The following NIPAL4 variants were observed in gnomAD, a reference collection of about 807,000 sequenced individuals.
NIPAL4 encodes the protein magnesium transporter NIPA4.
NIPAL4 carries 21 observed loss-of-function variants against 31.6 expected under a neutral mutation model. The ratio of observed to expected loss-of-function variants is 0.67; its 90% CI spans 0.47 to 0.96. The LOEUF (loss-of-function observed/expected upper bound fraction) is 0.96, where lower values mean the gene tolerates loss of function less well. Ranked by LOEUF, NIPAL4 falls within the 40% of genes least tolerant of loss-of-function variation. The pLI is 0.00. For missense variants in NIPAL4, 438 were observed against 508.0 expected (o/e 0.86, Z 1.32); for synonymous variants, 175 against 211.1 (o/e 0.83, Z 1.48).
intron 4 of NIPAL4, among the ~76,000 whole-genome samples, chr5:157,471,042 C>T (rs762903084): frequency 2.6e-5 from 4 of 151,798 alleles, no homozygotes; most frequent in Admixed American, 2.6e-4. Context: ...CATTTTTTGG[C>T]CCCAGCTCAG....
At chr5:157,464,594 C>A (rs188218072) in intron 2 of NIPAL4, among the ~76,000 whole-genome samples, 1 of 152,038 alleles carries the variant, frequency 6.6e-6, no homozygotes, top group East Asian at 1.9e-4. Context: ...AGCTTTGATA[C>A]AGACCGGCTT....
At chr5:157,463,010 G>A in intron 1 of NIPAL4, 84 bp from the exon 2 acceptor site, 2 of 1,557,870 alleles carry the variant, frequency 1.3e-6, no homozygotes, top group Non-Finnish European at 1.8e-6. Context: ...GAAGCACAGG[G>A]TTTGAAACAG....
At chr5:157,461,221 T>C (rs988308748) in intron 1 of NIPAL4, among the ~76,000 whole-genome samples, 24 of 152,334 alleles carry the variant, frequency 1.6e-4, no homozygotes, top group African/African-American at 4.1e-4. Flanking sequence ...CAGCCTCACC[T>C]TTTCTCTAGG....
Position 157,467,396 on chromosome 5 carries a change from G to A in NIPAL4, c.334+291G>A, listed in dbSNP as rs75772565. On this transcript the variant is annotated intron_variant, in intron 3 of 5. Coordinates refer to ENST00000311946, the MANE Select transcript of NIPAL4 (RefSeq NM_001099287.2). ...AGCTCGATAATATCACTGCCTGTTG[G>A]TAGTGGACTCTTGACTTCTACATGG... The A allele has an allele frequency of 3.8e-3, 1,392 of 366,494 alleles. 13 individuals are homozygous for A. Among genetic ancestry groups the A allele is most frequent in the African/African-American group, 0.026 (1,238 of 47,628 alleles). The allele number at this position is 366,494 out of a possible 1,614,324, so 22.7% of individuals were successfully genotyped here. A position where few individuals can be genotyped will look rare whatever the true frequency, so the allele number is the denominator to read the frequency against.
chr5:157,460,662 G>T, intron 1 of NIPAL4: 1 of 598,598 alleles, frequency 1.7e-6, no homozygotes, highest in Non-Finnish European at 3.1e-6. Flanking sequence ...TGGTGGGGGC[G>T]GGGGGAGGAT....
chr5:157,461,996 C>A (rs1754123244), intron 1 of NIPAL4, among the ~76,000 whole-genome samples: 1 of 152,150 alleles, frequency 6.6e-6, no homozygotes, highest in Non-Finnish European at 1.5e-5. Flanking sequence ...ACTTTGGGGC[C>A]CTTCCAGGCA....
intron 1 of NIPAL4, among the ~76,000 whole-genome samples, chr5:157,460,799 G>A (rs952236713): frequency 4.6e-5 from 7 of 152,140 alleles, no homozygotes; most frequent in Admixed American, 4.6e-4. Flanking sequence ...ACCACAGGAA[G>A]GGGTAAAGAA....
intron 1 of NIPAL4, 76 bp downstream of exon 1, chr5:157,460,433 C>G (rs939773510): frequency 4.3e-6 from 6 of 1,391,824 alleles, no homozygotes; most frequent in Non-Finnish European, 4.9e-6. Flanking sequence ...CTCTCCCTCG[C>G]ATCCTCTCCT....
At chr5:157,464,575 G>T (rs540993998) in intron 2 of NIPAL4, among the ~76,000 whole-genome samples, 1 of 152,144 alleles carries the variant, frequency 6.6e-6, no homozygotes, top group South Asian at 2.1e-4. Flanking sequence ...TTTGAAGGTA[G>T]AATTTACCAG....
chr5:157,463,181 C>A lies in NIPAL4; in HGVS notation c.125C>A (p.Thr42Asn), dbSNP rs763067810. Residue 42 changes from threonine to asparagine, a missense_variant, in exon 2 of 6, where the codon ACC (threonine) becomes AAC (asparagine). Physicochemically the swap from Thr to Asn is moderately conservative, Grantham distance 65. Transcript: ENST00000311946. ...AGCCCTGAGGTGCCCAGCAATGCCA[C>A]CTTTCACAGCTGGCAGGAAAGAATC... ...DLSPEVPSNA[T>N]FHSWQERIRQ... 1.3e-5 allele frequency: 21 copies of A among 1,613,916 alleles called. No individual in the cohort carries two copies. Among genetic ancestry groups the A allele is most frequent in the Non-Finnish European group, 1.7e-5 (20 of 1,179,914 alleles).
Position 157,473,089 on chromosome 5 carries a change from A to G in NIPAL4, c.*129A>G. 2.8e-6 allele frequency: 2 copies of G among 705,686 alleles called. No homozygotes were observed. Among genetic ancestry groups the G allele is most frequent in the Non-Finnish European group, 4.3e-6 (2 of 464,726 alleles). 43.7% of individuals were successfully genotyped at this position (705,686 alleles called of 1,614,324 possible). A position where few individuals can be genotyped will look rare whatever the true frequency, so the allele number is the denominator to read the frequency against. On this transcript the variant is annotated 3_prime_UTR_variant, in exon 6 of 6. Coordinates refer to ENST00000311946, the MANE Select transcript of NIPAL4 (RefSeq NM_001099287.2). ...CTCTTTTCTTGAGAAGTTCATTTAT[A>G]CCTCATCACTGTTTCCAGGAGAAAA...
rs1754487891 is a variant in NIPAL4, at chr5:157,473,051, T to C, written c.*91T>C. The C allele has an allele frequency of 9.3e-7, 1 of 1,075,326 alleles. No individual in the cohort carries two copies. The highest frequency in any genetic ancestry group is 1.3e-6 in the Non-Finnish European group (1 of 769,202). 66.6% of individuals were successfully genotyped at this position (1,075,326 alleles called of 1,614,324 possible). On this transcript the variant is annotated 3_prime_UTR_variant, in exon 6 of 6. Transcript: ENST00000311946. ...ACCTGGTTATTTTCCAGTGCAACTG[T>C]TACCAATGGGCTCTCTTTTCTTGAG...
At chr5:157,469,945 C>CG (rs1754379547) in intron 4 of NIPAL4, among the ~76,000 whole-genome samples, 2 of 152,162 alleles carry the variant, frequency 1.3e-5, no homozygotes, top group Admixed American at 6.5e-5. Context: ...AATTCCTACC[C>CG]GGGGGAAGTT....
Position 157,472,751 on chromosome 5 carries a change from A to AT in NIPAL4, c.1007dup (p.Val339ArgfsTer36). 6.2e-7 allele frequency: 1 copy of AT among 1,613,482 alleles called. No homozygotes were observed. Among genetic ancestry groups the AT allele is most frequent in the Non-Finnish European group, 8.5e-7 (1 of 1,179,490 alleles). ...CACCCTCTCGGGCTTTGTCACCATC[A>AT]TCTTGGGCGTGTTCATGCTGCATGC... On this transcript the variant is annotated frameshift_variant, in exon 6 of 6. Coordinates refer to ENST00000311946, the MANE Select transcript of NIPAL4 (RefSeq NM_001099287.2). LOFTEE classifies it high-confidence loss of function.
chr5:157,461,024 G>A (rs1322601671), intron 1 of NIPAL4, among the ~76,000 whole-genome samples: 2 of 152,186 alleles, frequency 1.3e-5, no homozygotes, highest in Non-Finnish European at 2.9e-5. Context: ...ATGGAATATA[G>A]ATCCAAGGCT....
At chr5:157,466,486 G>A (rs1348303923) in intron 2 of NIPAL4, among the ~76,000 whole-genome samples, 3 of 152,166 alleles carry the variant, frequency 2.0e-5, no homozygotes, top group African/African-American at 7.2e-5. Flanking sequence ...GTTATTAAAG[G>A]GCCAAGAGTG....
rs777992589 is a variant in NIPAL4 at position 157,468,756 on chromosome 5, C to T, written c.369C>T (p.Tyr123=). Reference sequence around the variant, plus strand: ...GAGAAGTTGCCAACTTTGGAGCCTACGCATTTGCACCTGCAACAGTCGTCA... The same window carrying T: ...GAGAAGTTGCCAACTTTGGAGCCTATGCATTTGCACCTGCAACAGTCGTCA... The part of the protein sequence containing the change: ...AAGEVANFGA[Y]AFAPATVVTP... The change falls in exon 4 of 6, where the codon TAC becomes TAT. Residue 123 remains tyrosine, a synonymous_variant. Coordinates refer to ENST00000311946, the MANE Select transcript of NIPAL4 (RefSeq NM_001099287.2). 30 of 1,611,904 alleles carry T rather than the reference C, an allele frequency of 1.9e-5. No homozygotes were observed. The highest frequency in any genetic ancestry group is 3.3e-4 in the Middle Eastern group (2 of 6,082).
chr5:157,472,172 A>AC (rs1439700214), intron 5 of NIPAL4, among the ~76,000 whole-genome samples, 160 bp from the exon 6 acceptor site: 1 of 152,048 alleles, frequency 6.6e-6, no homozygotes, highest in Non-Finnish European at 1.5e-5. Context: ...TAAAAACCTA[A>AC]CCAAGTTATT....
At chr5:157,467,581 G>A (rs990697294) in intron 3 of NIPAL4, 26 of 169,800 alleles carry the variant, frequency 1.5e-4, no homozygotes, top group Non-Finnish European at 2.7e-4. Context: ...ATCAAACCCT[G>A]ACTCTTTTAG....
Sources: allele counts gnomAD v4.1 joint callset (sites outside exome capture counted in the v4.1 genomes callset), GRCh38; gene constraint gnomAD v4.1.1; transcripts MANE v1.5; gene names NCBI Gene and HGNC (gene_info 2026-07-23, HGNC 2026-07-21).